Variants in SEMA3D observed in about 807,000 individuals in gnomAD.
The protein encoded by SEMA3D is semaphorin-3D.
In SEMA3D, 84 loss-of-function variants were observed where a neutral mutation model predicts 100.1. That is an observed-to-expected ratio of 0.84 (90% confidence interval 0.70 to 1.01). The LOEUF is 1.01. Ranked by LOEUF, SEMA3D falls within the 50% of genes least tolerant of loss-of-function variation. SEMA3D has a pLI of 0.00. For missense variants in SEMA3D, 875 were observed against 934.1 expected, an observed-to-expected ratio of 0.94 and a Z score of 0.82; for synonymous variants, 312 against 320.7, an observed-to-expected ratio of 0.97 and a Z score of 0.29.
intron 4 of SEMA3D, among the ~76,000 whole-genome samples, chr7:85,097,153 C>A (rs1285870207): frequency 1.3e-5 from 2 of 151,772 alleles, no homozygotes; most frequent in South Asian, 2.1e-4. Flanking sequence ...GCACCCTTTC[C>A]TCCGGGTTTC....
intron 2 of SEMA3D, among the ~76,000 whole-genome samples, chr7:85,148,819 G>T (rs764502738): frequency 1.1e-4 from 17 of 152,202 alleles, no homozygotes; most frequent in Non-Finnish European, 2.4e-4. Context: ...ATGTATGTGT[G>T]TGTGTGTAGA....
At chr7:85,029,493 C>T in intron 12 of SEMA3D, 2 of 674,056 alleles carry the variant, frequency 3.0e-6, no homozygotes, top group Non-Finnish European at 2.8e-6. Flanking sequence ...AAATTATCAA[C>T]TGGCTCGACA....
At chr7:85,167,154 A>G in intron 1 of SEMA3D, 3 of 487,248 alleles carry the variant, frequency 6.2e-6, no homozygotes, top group Non-Finnish European at 8.0e-6. Flanking sequence ...CCAAAACAAT[A>G]TTATGTTTCA....
the SEMA3D span, among the ~76,000 whole-genome samples, chr7:85,202,476 G>A: frequency 3.3e-5 from 5 of 151,838 alleles, no homozygotes; most frequent in African/African-American, 1.2e-4. Context: ...CATTTGGGTT[G>A]GTTCCAAGTC....
chr7:85,079,879 T>A (rs1788003276), intron 5 of SEMA3D, among the ~76,000 whole-genome samples: 1 of 152,196 alleles, frequency 6.6e-6, no homozygotes, highest in Non-Finnish European at 1.5e-5. Context: ...TCTCTGTGAG[T>A]GTTCAGTAAA....
intron 3 of SEMA3D, among the ~76,000 whole-genome samples, chr7:85,112,960 G>A (rs139357887): frequency 7.7e-4 from 117 of 152,204 alleles, no homozygotes; most frequent in African/African-American, 2.7e-3. Flanking sequence ...AATACTAGAT[G>A]AGTTACTTTT....
At chr7:85,231,937 T>C in the SEMA3D span, among the ~76,000 whole-genome samples, 1 of 152,160 alleles carries the variant, frequency 6.6e-6, no homozygotes, top group Non-Finnish European at 1.5e-5. Context: ...GGTCACTGTA[T>C]ATCAAAAAGA....
intron 1 of SEMA3D, among the ~76,000 whole-genome samples, chr7:85,184,624 C>T (rs911364380): frequency 6.6e-6 from 1 of 152,106 alleles, no homozygotes; most frequent in Non-Finnish European, 1.5e-5. Flanking sequence ...AATGTTTCTT[C>T]CCTTCTCTAG....
the SEMA3D span, among the ~76,000 whole-genome samples, chr7:85,221,279 CA>C: frequency 6.6e-6 from 1 of 151,894 alleles, no homozygotes; most frequent in Non-Finnish European, 1.5e-5. Context: ...CACCAAGATG[CA>C]AAAGTAGGGG....
intron 4 of SEMA3D, among the ~76,000 whole-genome samples, chr7:85,096,274 C>T (rs1347204734): frequency 6.6e-6 from 1 of 151,508 alleles, no homozygotes; most frequent in African/African-American, 2.4e-5. Flanking sequence ...AAAGAAATTC[C>T]TGAAGAAAAA....
intron 4 of SEMA3D, among the ~76,000 whole-genome samples, chr7:85,094,403 T>C (rs1284706582): frequency 1.3e-5 from 2 of 152,018 alleles, no homozygotes; most frequent in African/African-American, 4.8e-5. Flanking sequence ...AAAAATGGTA[T>C]TATCACTCAC....
intron 18 of SEMA3D, among the ~76,000 whole-genome samples, chr7:85,002,964 G>A (rs35826544): frequency 0.25 from 38,423 of 151,914 alleles, 5,305 homozygotes; most frequent in Non-Finnish European, 0.33. Flanking sequence ...ACCACTGCAC[G>A]TGCCTTGGAA....
rs1562775641 is a variant in SEMA3D at position 84,996,904 on chromosome 7, T to C, written c.*2536A>G. The C allele has an allele frequency of 6.6e-6, 1 of 152,028 alleles. No individual in the cohort carries two copies. Among genetic ancestry groups the C allele is most frequent in the Non-Finnish European group, 1.5e-5 (1 of 67,908 alleles). 9.4% of individuals were successfully genotyped at this position (152,028 alleles called of 1,614,324 possible). A position where few individuals can be genotyped will look rare whatever the true frequency, so the allele number is the denominator to read the frequency against. Reference sequence around the variant, plus strand: ...TTGTGGATTTAATATATTCATACTCTTTCTCTAAATGTTCTAGACAACTAA... The same window carrying C: ...TTGTGGATTTAATATATTCATACTCCTTCTCTAAATGTTCTAGACAACTAA... On this transcript the variant is annotated 3_prime_UTR_variant, in exon 19 of 19. Transcript: ENST00000284136.
At chr7:85,094,601 G>T (rs966916947) in intron 4 of SEMA3D, among the ~76,000 whole-genome samples, 1 of 151,864 alleles carries the variant, frequency 6.6e-6, no homozygotes, top group Non-Finnish European at 1.5e-5. Context: ...GGCTTCTGGA[G>T]AAACTGAACC....
At chr7:85,019,706 G>A (rs564404136) in intron 14 of SEMA3D, among the ~76,000 whole-genome samples, 66 of 151,738 alleles carry the variant, frequency 4.3e-4, no homozygotes, top group African/African-American at 1.4e-3. Context: ...AAAAGTCAAA[G>A]ACATTCTCCA....
Position 85,136,401 on chromosome 7 carries a change from C to T in SEMA3D, c.-40-14470G>A, listed in dbSNP as rs185465559. Among the ~76,000 whole-genome samples, 649 of 152,150 alleles carry T rather than the reference C, an allele frequency of 4.3e-3. 5 individuals are homozygous for T. The highest frequency in any genetic ancestry group is 0.015 in the African/African-American group (636 of 41,534). On this transcript the variant is annotated intron_variant, in intron 2 of 18. Transcript: ENST00000284136. Reference sequence around the variant, plus strand: ...AACTTCCAGGGATTATCATAAGCATCAGCATTAAGTATACACAGAACTTTG... The same window carrying T: ...AACTTCCAGGGATTATCATAAGCATTAGCATTAAGTATACACAGAACTTTG...
the SEMA3D span, among the ~76,000 whole-genome samples, chr7:85,222,132 A>T: frequency 1.3e-5 from 2 of 152,146 alleles, no homozygotes; most frequent in African/African-American, 2.4e-5. Flanking sequence ...AACATCTGAA[A>T]GTCTTTATCT....
intron 9 of SEMA3D, among the ~76,000 whole-genome samples, chr7:85,045,408 C>T (rs1304669467): frequency 6.6e-6 from 1 of 151,940 alleles, no homozygotes; most frequent in Non-Finnish European, 1.5e-5. Context: ...AATCAGTTTC[C>T]TTTTAAGAAA....
At chr7:85,234,219 A>G in the SEMA3D span, among the ~76,000 whole-genome samples, 1 of 152,216 alleles carries the variant, frequency 6.6e-6, no homozygotes, top group African/African-American at 2.4e-5. Flanking sequence ...CCACCTGCCA[A>G]GATGAAGGGC....
Sources: gnomAD v4.1 joint callset for allele counts (sites outside exome capture counted in the v4.1 genomes callset) on GRCh38, gnomAD v4.1.1 for gene constraint, MANE v1.5 for transcripts, NCBI Gene and HGNC (gene_info 2026-07-23, HGNC 2026-07-21) for gene names.